NMNAT1: variants seen among roughly 807,000 people sequenced by gnomAD.
NMNAT1 encodes the protein nicotinamide/nicotinic acid mononucleotide adenylyltransferase 1.
A neutral mutation model predicts 16.7 loss-of-function variants in NMNAT1; 11 were observed. That is an observed-to-expected ratio of 0.66 (90% CI 0.41 to 1.09). NMNAT1 has a LOEUF of 1.09. NMNAT1 is among the 50% of genes least tolerant of loss of function. The pLI, the probability that NMNAT1 is intolerant of heterozygous loss-of-function variation, is 0.00. For synonymous variants in NMNAT1, 110 were observed against 119.8 expected (o/e 0.92, Z 0.53); for missense variants, 280 against 332.3 (o/e 0.84, Z 1.22).
chr1:9,995,220 A>C, the NMNAT1 span, among the ~76,000 whole-genome samples: 1 of 152,066 alleles, frequency 6.6e-6, no homozygotes, highest in African/African-American at 2.4e-5. Context: ...CAACACAGGG[A>C]TACTCCATCT....
At chr1:9,975,020 G>A (rs528447925) in intron 2 of NMNAT1, among the ~76,000 whole-genome samples, 2 of 152,182 alleles carry the variant, frequency 1.3e-5, no homozygotes, top group Non-Finnish European at 2.9e-5. Flanking sequence ...GGAATGAGGT[G>A]AAGTACAGAG....
Position 9,984,910 on chromosome 1 carries a change from G to C in NMNAT1, c.*2209G>C, listed in dbSNP as rs1642024583. On this transcript the variant is annotated 3_prime_UTR_variant, in exon 5 of 5. Transcript: ENST00000377205. ...ATGGGGATGGTTTAGGTTAAAGAATGCTTTTTTTTGGCCATCATGAGGATC... is the reference window on the plus strand; with the variant it reads ...ATGGGGATGGTTTAGGTTAAAGAATCCTTTTTTTTGGCCATCATGAGGATC... The C allele has an allele frequency of 6.6e-6, 1 of 152,108 alleles. No homozygotes were observed. The highest frequency in any genetic ancestry group is 1.5e-5 in the Non-Finnish European group (1 of 68,038). 9.4% of individuals were successfully genotyped at this position (152,108 alleles called of 1,614,324 possible). A position where few individuals can be genotyped will look rare whatever the true frequency, so the allele number is the denominator to read the frequency against.
At chr1:9,965,484 A>C (rs948360231) in intron 1 of NMNAT1, among the ~76,000 whole-genome samples, 2 of 149,660 alleles carry the variant, frequency 1.3e-5, no homozygotes, top group Non-Finnish European at 3.0e-5. Flanking sequence ...GCTCACTGCA[A>C]CCCCTGCCTG....
the NMNAT1 span, among the ~76,000 whole-genome samples, chr1:9,992,571 G>A: frequency 6.6e-6 from 1 of 152,036 alleles, no homozygotes; most frequent in African/African-American, 2.4e-5. Context: ...AGAGGCCAGG[G>A]GCGTTTAGGG....
intron 1 of NMNAT1, among the ~76,000 whole-genome samples, chr1:9,956,391 G>A (rs188816662): frequency 1.3e-5 from 2 of 148,354 alleles, no homozygotes; most frequent in African/African-American, 5.0e-5. Flanking sequence ...TGCTGATCTC[G>A]AACCCCTGAC....
chr1:9,963,965 C>T (rs189700364), intron 1 of NMNAT1, among the ~76,000 whole-genome samples: 113 of 151,796 alleles, frequency 7.4e-4, no homozygotes, highest in Middle Eastern at 6.8e-3. Flanking sequence ...GATCTCAGCT[C>T]ACTGCAACCT....
chr1:9,994,043 T>C, the NMNAT1 span, among the ~76,000 whole-genome samples: 1 of 151,264 alleles, frequency 6.6e-6, no homozygotes, highest in South Asian at 2.1e-4. Context: ...AAAATAACTA[T>C]TGGAGAAGTA....
At chr1:9,992,736 C>G in the NMNAT1 span, among the ~76,000 whole-genome samples, 1 of 151,848 alleles carries the variant, frequency 6.6e-6, no homozygotes, top group South Asian at 2.1e-4. Flanking sequence ...ACAGTGAAAC[C>G]CCATCTCTAC....
intron 1 of NMNAT1, among the ~76,000 whole-genome samples, chr1:9,971,176 C>G (rs534522310): frequency 5.9e-5 from 9 of 152,270 alleles, no homozygotes; most frequent in Non-Finnish European, 1.0e-4. Flanking sequence ...ACACTTGTGC[C>G]ACATTCTTTT....
the NMNAT1 span, among the ~76,000 whole-genome samples, chr1:9,993,581 G>A: frequency 2.8e-4 from 43 of 152,252 alleles, no homozygotes; most frequent in East Asian, 9.6e-4. Context: ...CCGGGGCTGC[G>A]TATGGAGAAT....
Position 9,954,555 on chromosome 1 carries a change from C to T in NMNAT1, c.-57+11040C>T, listed in dbSNP as rs187520489. Among the ~76,000 whole-genome samples the T allele has an allele frequency of 1.6e-3, 244 of 152,174 alleles. 2 individuals are homozygous for T. Among genetic ancestry groups the T allele is most frequent in the Middle Eastern group, 0.01 (3 of 294 alleles). On this transcript the variant is annotated intron_variant, in intron 1 of 4. Coordinates refer to ENST00000377205, the MANE Select transcript of NMNAT1 (RefSeq NM_022787.4). ...AGTTGCCATTGTCCTTGTTTTTCTA[C>T]GCAGAATCATCTCTTGATCAATGAC...
rs569718899 is a variant in NMNAT1 at position 9,953,147 on chromosome 1, A to AT, written c.-57+9640dup. On this transcript the variant is annotated intron_variant, in intron 1 of 4. Coordinates refer to ENST00000377205, the MANE Select transcript of NMNAT1 (RefSeq NM_022787.4). ...AGGTGCCCGCCACCACGCCTGGCTA[A>AT]TTTTTTTTGTATTTTTAGTAGAGAC... Among the ~76,000 whole-genome samples, 29 of 150,494 alleles carry AT rather than the reference A, an allele frequency of 1.9e-4. No individual in the cohort carries two copies. In the South Asian group the frequency reaches 2.9e-3, roughly 15 times the overall value.
chr1:9,996,129 G>T, the NMNAT1 span, among the ~76,000 whole-genome samples: 1 of 151,640 alleles, frequency 6.6e-6, no homozygotes. Flanking sequence ...GGCTAACACG[G>T]TGAAACCCCG....
intron 1 of NMNAT1, among the ~76,000 whole-genome samples, chr1:9,944,311 C>G (rs1472088619): frequency 1.3e-5 from 2 of 152,044 alleles, no homozygotes; most frequent in African/African-American, 2.4e-5. Flanking sequence ...CCTGTAAACC[C>G]AGCACTTTGA....
the NMNAT1 span, among the ~76,000 whole-genome samples, chr1:9,994,622 T>C: frequency 2.1e-5 from 3 of 144,774 alleles, no homozygotes; most frequent in Non-Finnish European, 3.0e-5. Context: ...TGTATTTTTT[T>C]TTTTTTTTGA....
rs776968950 is a variant in NMNAT1 at position 9,975,775 on chromosome 1, G to A, written c.299G>A (p.Arg100Lys). ...KEWKETLKVL[R>K]HHQEKLEASD... ...TGGAAAGAGACTCTGAAGGTGCTAA[G>A]GTATTTATGGTGTAATCAACTTTGT... Residue 100 changes from arginine (R) to lysine (K), a missense_variant and splice_region_variant, in exon 3 of 5, where the codon AGA (arginine) becomes AAA (lysine). Transcript: ENST00000377205. The A allele has an allele frequency of 6.2e-7, 1 of 1,606,508 alleles. No homozygotes were observed. The highest frequency in any genetic ancestry group is 8.5e-7 in the Non-Finnish European group (1 of 1,176,350).
chr1:9,985,797 G>A (rs1174960560), downstream of NMNAT1, among the ~76,000 whole-genome samples: 1 of 152,146 alleles, frequency 6.6e-6, no homozygotes, highest in Non-Finnish European at 1.5e-5. Context: ...CAAGGAGCTG[G>A]GATTACAGGC....
At chr1:9,966,618 A>T (rs1641550666) in intron 1 of NMNAT1, among the ~76,000 whole-genome samples, 1 of 152,188 alleles carries the variant, frequency 6.6e-6, no homozygotes, top group South Asian at 2.1e-4. Context: ...GTCTCAAAAA[A>T]AAAAGTATGT....
the NMNAT1 span, among the ~76,000 whole-genome samples, chr1:9,994,077 C>T: frequency 6.9e-6 from 1 of 144,822 alleles, no homozygotes; most frequent in Admixed American, 6.9e-5. Flanking sequence ...AATAATAATA[C>T]ACATAGCACT....
Sources: allele counts gnomAD v4.1 joint callset (sites outside exome capture counted in the v4.1 genomes callset), GRCh38; gene constraint gnomAD v4.1.1; transcripts MANE v1.5; gene names NCBI Gene and HGNC (gene_info 2026-07-23, HGNC 2026-07-21).